Variants in PSME3 observed in about 807,000 individuals in gnomAD.
The protein encoded by PSME3 is proteasome activator complex subunit 3.
In PSME3, 7 loss-of-function variants were observed where a neutral mutation model predicts 38.3. The observed-to-expected ratio is 0.18, with a 90% CI of 0.10 to 0.34. The LOEUF (loss-of-function observed/expected upper bound fraction) is 0.34. Among genes scored for constraint, PSME3 ranks in the 10% least tolerant of loss-of-function variants. The pLI, the probability that PSME3 is intolerant of heterozygous loss-of-function variation, is 1.00. For missense variants in PSME3, 192 were observed against 307.6 expected (o/e 0.62, Z 2.81); for synonymous variants, 108 against 105.7 (o/e 1.02, Z -0.13).
chr17:42,833,449 A>T lies in PSME3; in HGVS notation c.-183A>T. 2 of 663,774 alleles carry T rather than the reference A, an allele frequency of 3.0e-6. No individual in the cohort carries two copies. The highest frequency in any genetic ancestry group is 2.8e-5 in the East Asian group (1 of 36,108). The allele number at this position is 663,774 out of a possible 1,614,324, so 41.1% of individuals were successfully genotyped here. On this transcript the variant is annotated 5_prime_UTR_variant, in exon 1 of 11. Coordinates refer to ENST00000590720, the MANE Select transcript of PSME3 (RefSeq NM_005789.4). ...CGGGAGGGCGAGCGAGAGAGCAAGCAGGCAGCAGGCTGCCGGCGGGCGGGC... is the reference window on the plus strand; with the variant it reads ...CGGGAGGGCGAGCGAGAGAGCAAGCTGGCAGCAGGCTGCCGGCGGGCGGGC...
At chr17:42,834,214 T>A in intron 1 of PSME3, 130 bp from the exon 2 acceptor site, 3 of 1,557,408 alleles carry the variant, frequency 1.9e-6, no homozygotes, top group Non-Finnish European at 2.6e-6. Flanking sequence ...AAATAAAGTA[T>A]TTGCAGTCTG....
chr17:42,834,218 C>T, intron 1 of PSME3, 126 bp from the exon 2 acceptor site: 1 of 1,564,208 alleles, frequency 6.4e-7, no homozygotes, highest in South Asian at 1.2e-5. Flanking sequence ...AAAGTATTTG[C>T]AGTCTGGGGG....
Position 42,838,339 on chromosome 17 carries a change from G to A in PSME3, c.405+134G>A, listed in dbSNP as rs1352321113. On this transcript the variant is annotated intron_variant, in intron 6 of 10. Coordinates refer to ENST00000590720, the MANE Select transcript of PSME3 (RefSeq NM_005789.4). Reference sequence around the variant, plus strand: ...AGTTTTTTTTTTGAGATGGGGTCTCGCTCCATCACCCAGGTTGGAGTGCAG... The same window carrying A: ...AGTTTTTTTTTTGAGATGGGGTCTCACTCCATCACCCAGGTTGGAGTGCAG... 3.8e-5 allele frequency: 54 copies of A among 1,420,818 alleles called. No individual in the cohort carries two copies. In the East Asian group the frequency reaches 4.5e-4, roughly 12 times the overall value. 88.0% of individuals were successfully genotyped at this position (1,420,818 alleles called of 1,614,324 possible).
At chr17:42,835,183 G>A (rs1280276650) in intron 4 of PSME3, among the ~76,000 whole-genome samples, 1 of 151,944 alleles carries the variant, frequency 6.6e-6, no homozygotes, top group Admixed American at 6.6e-5. Context: ...GACTACAGGA[G>A]TCCACCACCA....
chr17:42,837,965 T>C (rs374018045), intron 5 of PSME3, 128 bp from the exon 6 acceptor site: 1 of 1,003,282 alleles, frequency 1.0e-6, no homozygotes, highest in Middle Eastern at 2.3e-4. Context: ...CTAATAGTGG[T>C]GTCATGGTAG....
Position 42,841,528 on chromosome 17 carries a change from A to T in PSME3, c.715A>T (p.Ile239Phe). The T allele has an allele frequency of 6.2e-7, 1 of 1,609,884 alleles. No individual in the cohort carries two copies. Among genetic ancestry groups the T allele is most frequent in the Non-Finnish European group, 8.5e-7 (1 of 1,177,306 alleles). Residue 239 changes from isoleucine (I) to phenylalanine (F), a missense_variant, in exon 11 of 11, where the codon ATC becomes TTC. By Grantham distance (21) the Ile-to-Phe change is conservative (BLOSUM62 0). Coordinates refer to ENST00000590720, the MANE Select transcript of PSME3 (RefSeq NM_005789.4). Reference sequence around the variant, plus strand: ...TCTACATGACATGATCCTGAAAAATATCGAGAAGATCAAACGGCCCCGGAG... The same window carrying T: ...TCTACATGACATGATCCTGAAAAATTTCGAGAAGATCAAACGGCCCCGGAG... ...VTLHDMILKN[I>F]EKIKRPRSSN...
intron 9 of PSME3, 24 bp from the exon 10 acceptor site, chr17:42,839,270 C>G (rs769501440): frequency 1.2e-6 from 2 of 1,602,752 alleles, no homozygotes; most frequent in East Asian, 2.2e-5. Context: ...TGGGGACTAG[C>G]TTTTTCCTGT....
intron 6 of PSME3, among the ~76,000 whole-genome samples, 197 bp downstream of exon 6, chr17:42,838,402 G>C (rs1597954628): frequency 2.0e-5 from 3 of 152,066 alleles, no homozygotes; most frequent in Non-Finnish European, 2.9e-5. Context: ...CTGCCTCCTG[G>C]GTTCAAGTGA....
At position 42,833,501 on chromosome 17, in the gene PSME3, G is replaced by C. The variant is rs1308847656; in HGVS notation, c.-131G>C. Reference sequence around the variant, plus strand: ...GACGGCACAGAGGGAGGGAGCGAGCGAGCAGTGAGTAAGCCAGCAAGGGCG... The same window carrying C: ...GACGGCACAGAGGGAGGGAGCGAGCCAGCAGTGAGTAAGCCAGCAAGGGCG... On this transcript the variant is annotated 5_prime_UTR_variant, in exon 1 of 11. Transcript: ENST00000590720. 1.8e-6 allele frequency: 2 copies of C among 1,116,550 alleles called. No individual in the cohort carries two copies. Among genetic ancestry groups the C allele is most frequent in the Non-Finnish European group, 2.6e-6 (2 of 759,270 alleles). The allele number at this position is 1,116,550 out of a possible 1,614,324, so 69.2% of individuals were successfully genotyped here.
chr17:42,833,475 G>T lies in PSME3; in HGVS notation c.-157G>T. 1 of 838,176 alleles carries T rather than the reference G, an allele frequency of 1.2e-6. No homozygotes were observed. The allele number at this position is 838,176 out of a possible 1,614,324, so 51.9% of individuals were successfully genotyped here. A position where few individuals can be genotyped will look rare whatever the true frequency, so the allele number is the denominator to read the frequency against. ...GGCAGCAGGCTGCCGGCGGGCGGGC[G>T]GACGGCACAGAGGGAGGGAGCGAGC... On this transcript the variant is annotated 5_prime_UTR_variant, in exon 1 of 11. Coordinates refer to ENST00000590720, the MANE Select transcript of PSME3 (RefSeq NM_005789.4).
chr17:42,841,444 TG>T, intron 10 of PSME3, 53 bp from the exon 11 acceptor site: 1 of 1,164,852 alleles, frequency 8.6e-7, no homozygotes, highest in Non-Finnish European at 1.2e-6. Flanking sequence ...CTCATTTTCT[TG>T]ATGAGGTAAG....
At chr17:42,841,428 G>C (rs2055532696) in intron 10 of PSME3, 70 bp from the exon 11 acceptor site, 1 of 897,530 alleles carries the variant, frequency 1.1e-6, no homozygotes, top group East Asian at 2.8e-5. Flanking sequence ...ATTTGTGAAG[G>C]GGTCTCTCAT....
At position 42,841,501 on chromosome 17, in the gene PSME3, AC is replaced by A; in HGVS notation, c.689del (p.Thr230IlefsTer5). On this transcript the variant is annotated frameshift_variant, in exon 11 of 11. Transcript: ENST00000590720. LOFTEE classifies it high-confidence loss of function. Reference protein sequence around the residue: ...IISELRNQYVTLHDMILKNIE... With the variant: ...IISELRNQYVXLHDMILKNIE... ...CCCCTGATCCCTCTTCTCTCAGGTC[AC>A]TCTACATGACATGATCCTGAAAAAT... 1 of 1,597,596 alleles carries A rather than the reference AC, an allele frequency of 6.3e-7. No individual in the cohort carries two copies. The highest frequency in any genetic ancestry group is 8.6e-7 in the Non-Finnish European group (1 of 1,167,504).
intron 1 of PSME3, chr17:42,833,967 G>A (rs1434801074): frequency 6.9e-7 from 1 of 1,439,876 alleles, no homozygotes; most frequent in African/African-American, 1.4e-5. Context: ...CAACGTCCCT[G>A]GACACTGCCC....
At chr17:42,837,591 T>C in intron 4 of PSME3, 58 bp from the exon 5 acceptor site, 2 of 1,531,108 alleles carry the variant, frequency 1.3e-6, no homozygotes, top group Non-Finnish European at 1.8e-6. Flanking sequence ...GAAGGGTATC[T>C]TGTGATGGAG....
intron 4 of PSME3, 94 bp downstream of exon 4, chr17:42,834,970 G>C: frequency 6.5e-7 from 1 of 1,539,560 alleles, no homozygotes; most frequent in East Asian, 2.3e-5. Context: ...GGAACAGTGG[G>C]ATTTGGATCT....
chr17:42,838,570 G>C, intron 6 of PSME3, 161 bp from the exon 7 acceptor site: 1 of 741,572 alleles, frequency 1.3e-6, no homozygotes, highest in Non-Finnish European at 2.2e-6. Context: ...CACCCGCTTC[G>C]GGGTCCCAAA....
At chr17:42,835,022 G>T in intron 4 of PSME3, 146 bp downstream of exon 4, 6 of 1,126,730 alleles carry the variant, frequency 5.3e-6, no homozygotes, top group South Asian at 4.8e-5. Context: ...CTCTAGTATA[G>T]TTCTTTTATT....
Position 42,838,447 on chromosome 17 carries a change from A to C in PSME3, c.405+242A>C, listed in dbSNP as rs572383758. 1.6e-4 allele frequency among the ~76,000 whole-genome samples: 25 copies of C among 152,182 alleles called. No individual in the cohort carries two copies. The South Asian group carries it at 5.2e-3, about 32-fold the overall frequency. ...CTCAGCCTCCCGAGTAGCTGGGATTACAGGTACCTGCCAACACACCCAGCT... is the reference window on the plus strand; with the variant it reads ...CTCAGCCTCCCGAGTAGCTGGGATTCCAGGTACCTGCCAACACACCCAGCT... On this transcript the variant is annotated intron_variant, in intron 6 of 10. Transcript: ENST00000590720.
Sources: gnomAD v4.1 joint callset for allele counts (sites outside exome capture counted in the v4.1 genomes callset) on GRCh38, gnomAD v4.1.1 for gene constraint, MANE v1.5 for transcripts, NCBI Gene and HGNC (gene_info 2026-07-23, HGNC 2026-07-21) for gene names.